PAPPA2: variants seen among roughly 807,000 people sequenced by gnomAD.
The protein encoded by PAPPA2 is pappalysin-2.
A neutral mutation model predicts 176.4 loss-of-function variants in PAPPA2; 86 were observed. That is an observed-to-expected ratio of 0.49 (90% confidence interval 0.41 to 0.58). The LOEUF is 0.58. Ranked by LOEUF, PAPPA2 falls within the 20% of genes least tolerant of loss-of-function variation. The pLI is 0.00. For synonymous variants in PAPPA2, 809 were observed against 852.2 expected (o/e 0.95, Z 0.88); for missense variants, 2,073 against 2,256.9 (o/e 0.92, Z 1.65).
intron 3 of PAPPA2, among the ~76,000 whole-genome samples, chr1:176,636,485 T>C (rs945535022): frequency 6.6e-6 from 1 of 152,132 alleles, no homozygotes; most frequent in South Asian, 2.1e-4. Flanking sequence ...ACTGGACAAA[T>C]GAATTTGACA....
chr1:176,624,246 C>G (rs1481165434), intron 3 of PAPPA2, among the ~76,000 whole-genome samples: 1 of 152,150 alleles, frequency 6.6e-6, no homozygotes, highest in Non-Finnish European at 1.5e-5. Context: ...CTTAAATACA[C>G]CCATTAAAAT....
At chr1:176,745,651 A>G (rs1662871794) in intron 14 of PAPPA2, among the ~76,000 whole-genome samples, 1 of 152,230 alleles carries the variant, frequency 6.6e-6, no homozygotes, top group Non-Finnish European at 1.5e-5. Context: ...AATGATTGAT[A>G]AAGGGAGCAA....
rs906743782 is a variant in PAPPA2 at position 176,654,532 on chromosome 1, A to AT, written c.1992-16428dup. On this transcript the variant is annotated intron_variant, in intron 3 of 22. Transcript: ENST00000367662. ...GTCAGGTAATGTGGTGCCTCCAGCT[A>AT]TTTTTTTTTTCTTAGGACTGCTTTG... is the stretch of plus-strand genomic sequence containing the variant. Among the ~76,000 whole-genome samples the AT allele has an allele frequency of 7.0e-3, 1,030 of 147,022 alleles. 7 individuals are homozygous for AT. Among genetic ancestry groups the AT allele is most frequent in the Non-Finnish European group, 9.2e-3 (611 of 66,394 alleles).
At chr1:176,773,052 A>G (rs1019119476) in intron 17 of PAPPA2, among the ~76,000 whole-genome samples, 3 of 152,106 alleles carry the variant, frequency 2.0e-5, no homozygotes, top group Non-Finnish European at 4.4e-5. Context: ...GCCTCCACCC[A>G]GAACTCTGGG....
intron 3 of PAPPA2, among the ~76,000 whole-genome samples, chr1:176,650,822 CT>C (rs1333551194): frequency 1.3e-5 from 2 of 151,468 alleles, no homozygotes; most frequent in African/African-American, 4.8e-5. Flanking sequence ...GTGATTTTCT[CT>C]GGTAGATTGT....
In PAPPA2 at chr1:176,557,013, G is replaced by T. The variant is rs755887120; in HGVS notation, c.691G>T (p.Val231Phe). The T allele has an allele frequency of 1.9e-6, 3 of 1,614,004 alleles. No individual in the cohort carries two copies. In the East Asian group the frequency reaches 6.7e-5, roughly 36 times the overall value. ...GCCCAAGCATTCCCTTAAACACAGG[G>T]TCAAAAAGAGTCCACCGGAGGAAAG... Reference protein sequence around the residue: ...PWPKHSLKHRVKKSPPEESNQ... With the variant: ...PWPKHSLKHRFKKSPPEESNQ... Residue 231 changes from valine (V) to phenylalanine (F), a missense_variant, in exon 2 of 23, where the codon GTC becomes TTC. Physicochemically the swap from Val to Phe is conservative, Grantham distance 50. Around this residue, in one of 4 missense-constraint regions of PAPPA2, gnomAD observed 1,196 missense variants for 1,330.4 expected, o/e 0.90. Coordinates refer to ENST00000367662, the MANE Select transcript of PAPPA2 (RefSeq NM_020318.3).
At chr1:176,599,388 A>T (rs1654173732) in intron 3 of PAPPA2, among the ~76,000 whole-genome samples, 1 of 151,780 alleles carries the variant, frequency 6.6e-6, no homozygotes, top group African/African-American at 2.4e-5. Context: ...TGTTACTTTG[A>T]TATTTCTTCA....
chr1:176,764,818 T>G lies in PAPPA2; in HGVS notation c.4152-848T>G, dbSNP rs191725295. ...TCACCGTGTTAGCCAGGACAGTCTC[T>G]ATCTCCTGACCTCGTGATCCGCCCG... is the stretch of plus-strand genomic sequence containing the variant. On this transcript the variant is annotated intron_variant, in intron 14 of 22. Coordinates refer to ENST00000367662, the MANE Select transcript of PAPPA2 (RefSeq NM_020318.3). 7.0e-4 allele frequency among the ~76,000 whole-genome samples: 107 copies of G among 152,230 alleles called. 1 individual carries two copies. In the East Asian group the frequency reaches 0.017, roughly 24 times the overall value.
chr1:176,735,168 A>G (rs141777739), intron 12 of PAPPA2, among the ~76,000 whole-genome samples: 150 of 152,196 alleles, frequency 9.9e-4, no homozygotes, highest in Non-Finnish European at 1.9e-3. Flanking sequence ...TCAAAAAGGA[A>G]TAAAATCACA....
intron 3 of PAPPA2, among the ~76,000 whole-genome samples, chr1:176,638,617 A>G (rs1656869872): frequency 6.6e-6 from 1 of 152,012 alleles, no homozygotes; most frequent in Non-Finnish European, 1.5e-5. Context: ...ACCCTCCTTC[A>G]TGGCGCACTG....
At position 176,498,751 on chromosome 1, in the gene PAPPA2, C is replaced by CACAAAAAAAAAA. The variant is rs762510082; in HGVS notation, c.-917+35334_-917+35335insCAAAAAAAAAAA. On this transcript the variant is annotated intron_variant, in intron 1 of 22. Coordinates refer to ENST00000367662, the MANE Select transcript of PAPPA2 (RefSeq NM_020318.3). ...GGCGACAGAGCGAGACTCTTACCTC[C>CACAAAAAAAAAA]AAAAAAAAAAAAAAAGAAGAAGAAA... Among the ~76,000 whole-genome samples, 116 of 112,064 alleles carry CACAAAAAAAAAA rather than the reference C, an allele frequency of 1.0e-3. 1 individual carries two copies. The highest frequency in any genetic ancestry group is 2.7e-3 in the South Asian group (9 of 3,344). The allele number at this position is 112,064 out of a possible 152,430, so 73.5% of individuals were successfully genotyped here.
chr1:176,570,463 A>T (rs1259756856), intron 2 of PAPPA2, among the ~76,000 whole-genome samples: 1 of 152,226 alleles, frequency 6.6e-6, no homozygotes, highest in Non-Finnish European at 1.5e-5. Flanking sequence ...TTCATGCAGA[A>T]TAATAGTAAA....
chr1:176,572,574 TAGAA>T (rs1310648648), intron 2 of PAPPA2, among the ~76,000 whole-genome samples: 2 of 152,182 alleles, frequency 1.3e-5, no homozygotes, highest in African/African-American at 4.8e-5. Flanking sequence ...AGTTGATTCT[TAGAA>T]AGCAGTCAGA....
intron 1 of PAPPA2, among the ~76,000 whole-genome samples, chr1:176,466,465 TATC>T (rs1651624848): frequency 6.6e-6 from 1 of 152,162 alleles, no homozygotes; most frequent in Non-Finnish European, 1.5e-5. Flanking sequence ...TCAAGTAAGT[TATC>T]ATATTAAATA....
intron 2 of PAPPA2, among the ~76,000 whole-genome samples, chr1:176,569,264 G>C (rs945829197): frequency 1.3e-5 from 2 of 152,158 alleles, no homozygotes; most frequent in African/African-American, 4.8e-5. Context: ...CAAACCATTA[G>C]CAGTGCCACA....
At chr1:176,729,181 C>T (rs1485845376) in intron 12 of PAPPA2, among the ~76,000 whole-genome samples, 1 of 151,956 alleles carries the variant, frequency 6.6e-6, no homozygotes, top group Non-Finnish European at 1.5e-5. Flanking sequence ...CAGAATAAGA[C>T]AGGGATCTAC....
At chr1:176,518,517 T>G (rs960418356) in intron 1 of PAPPA2, among the ~76,000 whole-genome samples, 1 of 151,766 alleles carries the variant, frequency 6.6e-6, no homozygotes, top group African/African-American at 2.4e-5. Context: ...GCCTTTAAGT[T>G]TGACTTGGTG....
chr1:176,786,744 T>G (rs373515643), intron 17 of PAPPA2, among the ~76,000 whole-genome samples: 1 of 152,210 alleles, frequency 6.6e-6, no homozygotes, highest in African/African-American at 2.4e-5. Context: ...GGGTTTACCG[T>G]GTGTTTTGAA....
chr1:176,529,826 A>G (rs1329737853), intron 1 of PAPPA2, among the ~76,000 whole-genome samples: 3 of 151,868 alleles, frequency 2.0e-5, no homozygotes, highest in African/African-American at 7.3e-5. Flanking sequence ...GCAAGTTTGC[A>G]TGCGTTTTGC....
Sources: allele counts gnomAD v4.1 joint callset (sites outside exome capture counted in the v4.1 genomes callset), GRCh38; gene constraint gnomAD v4.1.1; regional missense constraint gnomAD v4.1.1; transcripts MANE v1.5; gene names NCBI Gene and HGNC (gene_info 2026-07-23, HGNC 2026-07-21).